Variants in PPP2R3A observed in about 807,000 individuals in gnomAD.
PPP2R3A encodes the protein protein phosphatase 2 regulatory subunit B''alpha.
PPP2R3A carries 80 observed loss-of-function variants against 106.9 expected under a neutral mutation model. That is an observed-to-expected ratio of 0.75 (90% CI 0.62 to 0.90). PPP2R3A has a LOEUF of 0.90. Among genes scored for constraint, PPP2R3A ranks in the 40% least tolerant of loss-of-function variants. PPP2R3A has a pLI of 0.00. For synonymous variants in PPP2R3A, 483 were observed against 468.3 expected (o/e 1.03, Z -0.41); for missense variants, 1,386 against 1,350.4 (o/e 1.03, Z -0.41).
chr3:136,025,769 GTC>G (rs1219054140), intron 2 of PPP2R3A, among the ~76,000 whole-genome samples: 1 of 152,034 alleles, frequency 6.6e-6, no homozygotes, highest in African/African-American at 2.4e-5. Flanking sequence ...TATTTAGCTA[GTC>G]AACAGTTGTG....
intron 2 of PPP2R3A, among the ~76,000 whole-genome samples, chr3:136,005,295 C>T (rs1291283804): frequency 6.6e-6 from 1 of 152,078 alleles, no homozygotes; most frequent in Non-Finnish European, 1.5e-5. Flanking sequence ...GCAGATATTC[C>T]AAAATCCAAA....
rs1217702611 is a variant in PPP2R3A, at chr3:136,049,259, G to T, written c.2367G>T (p.Lys789Asn). Reference protein sequence around the residue: ...TAQSFIAMWRKLLNNHHDDAS... With the variant: ...TAQSFIAMWRNLLNNHHDDAS... ...TCCTAAGCAGTTGTTTCTTTTATAG[G>T]TTGCTGAATAACCATCATGATGATG... Residue 789 changes from lysine (K) to asparagine (N), a missense_variant and splice_region_variant, in exon 5 of 14, where the codon AAG (lysine) becomes AAT (asparagine). Transcript: ENST00000264977. The T allele has an allele frequency of 6.2e-7, 1 of 1,605,050 alleles. No individual in the cohort carries two copies. The highest frequency in any genetic ancestry group is 1.3e-5 in the African/African-American group (1 of 74,500).
chr3:136,057,076 CCA>C (rs369020104), intron 5 of PPP2R3A, among the ~76,000 whole-genome samples: 36 of 137,006 alleles, frequency 2.6e-4, no homozygotes, highest in South Asian at 4.5e-4. Context: ...AGGACCCCCC[CCA>C]CACACACCGT....
intron 2 of PPP2R3A, among the ~76,000 whole-genome samples, chr3:136,026,499 C>T (rs1360818679): frequency 6.6e-6 from 1 of 152,092 alleles, no homozygotes; most frequent in East Asian, 1.9e-4. Context: ...AATCCAGTTC[C>T]AACAGAGTGA....
At chr3:136,142,856 ACGTTAGGG>A (rs1938933667) in intron 13 of PPP2R3A, among the ~76,000 whole-genome samples, 1 of 152,222 alleles carries the variant, frequency 6.6e-6, no homozygotes, top group Admixed American at 6.5e-5. Flanking sequence ...TACAGACAAC[ACGTTAGGG>A]CACCAAGGGG....
At chr3:136,090,360 C>T (rs1356612200) in intron 9 of PPP2R3A, among the ~76,000 whole-genome samples, 5 of 152,068 alleles carry the variant, frequency 3.3e-5, no homozygotes, top group African/African-American at 1.2e-4. Context: ...ATATTAAAAG[C>T]CAGATTTCTT....
intron 5 of PPP2R3A, among the ~76,000 whole-genome samples, chr3:136,060,850 A>G (rs779713430): frequency 6.6e-6 from 1 of 152,198 alleles, no homozygotes; most frequent in Non-Finnish European, 1.5e-5. Flanking sequence ...GTTAATAACA[A>G]TGTATCCTAT....
At chr3:136,046,118 A>G (rs1935462384) in intron 4 of PPP2R3A, among the ~76,000 whole-genome samples, 1 of 151,994 alleles carries the variant, frequency 6.6e-6, no homozygotes, top group African/African-American at 2.4e-5. Context: ...TTGAGGCTGC[A>G]GTGAGCTGTG....
chr3:136,129,127 A>G (rs2108013680), intron 13 of PPP2R3A, among the ~76,000 whole-genome samples: 1 of 152,268 alleles, frequency 6.6e-6, no homozygotes. Flanking sequence ...GCAAGAGCAA[A>G]CAAATTGAAA....
intron 2 of PPP2R3A, among the ~76,000 whole-genome samples, chr3:136,007,228 G>T (rs1020216164): frequency 6.6e-6 from 1 of 152,190 alleles, no homozygotes; most frequent in Non-Finnish European, 1.5e-5. Context: ...GCCTCTGTTG[G>T]CCTTTATTTA....
intron 1 of PPP2R3A, among the ~76,000 whole-genome samples, chr3:135,999,486 TA>T (rs1302390567): frequency 2.0e-5 from 3 of 152,176 alleles, no homozygotes; most frequent in Non-Finnish European, 4.4e-5. Context: ...ATGGTCTGAA[TA>T]AAAAGGCAGA....
chr3:136,081,805 G>A (rs938884212), intron 7 of PPP2R3A, among the ~76,000 whole-genome samples: 5 of 152,026 alleles, frequency 3.3e-5, no homozygotes, highest in Non-Finnish European at 7.4e-5. Flanking sequence ...CATCACTATT[G>A]TATATATGAG....
intron 13 of PPP2R3A, among the ~76,000 whole-genome samples, chr3:136,122,998 G>T (rs957098355): frequency 1.3e-5 from 2 of 152,064 alleles, no homozygotes; most frequent in Non-Finnish European, 2.9e-5. Flanking sequence ...AGCAAACTAA[G>T]ATAAGTAACT....
intron 13 of PPP2R3A, among the ~76,000 whole-genome samples, chr3:136,116,379 T>C (rs1937762247): frequency 6.6e-6 from 1 of 152,152 alleles, no homozygotes; most frequent in African/African-American, 2.4e-5. Context: ...CAGGATCAGA[T>C]TCACACATAA....
chr3:136,025,656 T>C (rs1466493245), intron 2 of PPP2R3A, among the ~76,000 whole-genome samples: 1 of 152,160 alleles, frequency 6.6e-6, no homozygotes, highest in African/African-American at 2.4e-5. Flanking sequence ...ATGATAAATA[T>C]ATTTCTTACA....
rs1176393176 is a variant in PPP2R3A at position 136,080,765 on chromosome 3, A to G, written c.2632-1500A>G. 2.6e-5 allele frequency among the ~76,000 whole-genome samples: 4 copies of G among 152,268 alleles called. No individual in the cohort carries two copies. In the South Asian group the frequency reaches 6.2e-4, roughly 24 times the overall value. ...CTTAGTGGGTACAATCTTGTATCCT[A>G]TATTTTGTACTTACCATATCATGGT... On this transcript the variant is annotated intron_variant, in intron 7 of 13. Coordinates refer to ENST00000264977, the MANE Select transcript of PPP2R3A (RefSeq NM_002718.5).
chr3:136,017,928 A>C (rs192093417), intron 2 of PPP2R3A, among the ~76,000 whole-genome samples: 91 of 152,154 alleles, frequency 6.0e-4, no homozygotes, highest in Non-Finnish European at 1.1e-3. Context: ...CTCCATAACC[A>C]CATTCAGCTG....
At chr3:135,994,317 T>C (rs1355911236) in intron 1 of PPP2R3A, among the ~76,000 whole-genome samples, 1 of 152,172 alleles carries the variant, frequency 6.6e-6, no homozygotes, top group Non-Finnish European at 1.5e-5. Flanking sequence ...CCACCGTCTT[T>C]GTCTGATGCC....
intron 13 of PPP2R3A, among the ~76,000 whole-genome samples, chr3:136,133,780 A>C (rs1938505996): frequency 6.7e-6 from 1 of 150,204 alleles, no homozygotes; most frequent in African/African-American, 2.4e-5. Flanking sequence ...AAATATGTAT[A>C]TATATATATT....
Sources: gnomAD v4.1 joint callset for allele counts (sites outside exome capture counted in the v4.1 genomes callset) on GRCh38, gnomAD v4.1.1 for gene constraint, MANE v1.5 for transcripts, NCBI Gene and HGNC (gene_info 2026-07-23, HGNC 2026-07-21) for gene names.